The following ERBIN variants were observed in gnomAD, a reference collection of about 807,000 sequenced individuals.
ERBIN encodes erbb2 interacting protein, also known as densin-180-like protein.
A neutral mutation model predicts 158.4 loss-of-function variants in ERBIN; 60 were observed. The observed-to-expected ratio is 0.38, with a 90% CI of 0.31 to 0.47. ERBIN has a LOEUF of 0.47. ERBIN is among the 20% of genes least tolerant of loss of function. The probability of loss-of-function intolerance (pLI) is 0.99; values close to 1 mark genes in which losing one functional copy is unlikely to be tolerated. For synonymous variants in ERBIN, 594 were observed against 557.2 expected (o/e 1.07, Z -0.93); for missense variants, 1,610 against 1,648.0 (o/e 0.98, Z 0.40).
At chr5:66,012,450 G>A (rs537015976) in intron 5 of ERBIN, among the ~76,000 whole-genome samples, 1 of 152,074 alleles carries the variant, frequency 6.6e-6, no homozygotes, top group Admixed American at 6.5e-5. Flanking sequence ...TTCAAATCAG[G>A]TGTGTGGTAC....
intron 18 of ERBIN, among the ~76,000 whole-genome samples, chr5:66,047,739 A>G (rs1311348379): frequency 1.3e-5 from 2 of 152,024 alleles, no homozygotes; most frequent in African/African-American, 2.4e-5. Flanking sequence ...TTTTAAAAAA[A>G]GGATGGTTAA....
At chr5:65,952,848 C>CAT (rs1303147944) in intron 1 of ERBIN, among the ~76,000 whole-genome samples, 1 of 152,162 alleles carries the variant, frequency 6.6e-6, no homozygotes, top group East Asian at 1.9e-4. Context: ...GCCTTTCAGA[C>CAT]ATGCTTGCGC....
chr5:66,062,274 C>T (rs1008180887), intron 21 of ERBIN, among the ~76,000 whole-genome samples: 28 of 152,166 alleles, frequency 1.8e-4, no homozygotes, highest in African/African-American at 5.8e-4. Flanking sequence ...CTTCTCTTCA[C>T]GCTTCATTTC....
At chr5:65,977,459 A>G (rs1414854161) in intron 1 of ERBIN, among the ~76,000 whole-genome samples, 3 of 147,114 alleles carry the variant, frequency 2.0e-5, no homozygotes, top group Non-Finnish European at 4.5e-5. Context: ...TGCCAGGCAG[A>G]GGGTCTCCTC....
At chr5:66,040,653 A>C (rs1757832354) in intron 15 of ERBIN, among the ~76,000 whole-genome samples, 1 of 151,886 alleles carries the variant, frequency 6.6e-6, no homozygotes, top group South Asian at 2.1e-4. Flanking sequence ...TCTTTATCCC[A>C]GTGCCTCCAA....
intron 1 of ERBIN, among the ~76,000 whole-genome samples, chr5:65,972,621 A>G (rs1318687558): frequency 1.3e-5 from 2 of 151,128 alleles, no homozygotes; most frequent in Non-Finnish European, 2.9e-5. Context: ...CTGTTATACT[A>G]TTTCACTTAC....
Position 66,054,317 on chromosome 5 carries a change from T to G in ERBIN, c.2999T>G (p.Ile1000Arg), listed in dbSNP as rs1488599615. 1.9e-6 allele frequency: 3 copies of G among 1,614,004 alleles called. No individual in the cohort carries two copies. In the African/African-American group the frequency reaches 4.0e-5, roughly 22 times the overall value. The change falls in exon 21 of 26, where the codon ATA (isoleucine) becomes AGA (arginine). Residue 1000 changes from isoleucine (I) to arginine (R), a missense_variant. Physicochemically the swap from Ile to Arg is moderately conservative, Grantham distance 97. Coordinates refer to ENST00000284037, the MANE Select transcript of ERBIN (RefSeq NM_001253697.2). Reference protein sequence around the residue: ...TLWHSKQNPQIDHASFPPQLL... With the variant: ...TLWHSKQNPQRDHASFPPQLL... ...TGGCACTCCAAACAAAATCCCCAAA[T>G]AGACCATGCCAGTTTTCCTCCTCAG...
At chr5:65,997,670 T>G (rs561399573) in intron 4 of ERBIN, among the ~76,000 whole-genome samples, 1 of 152,250 alleles carries the variant, frequency 6.6e-6, no homozygotes, top group East Asian at 1.9e-4. Flanking sequence ...TAATAAGAAT[T>G]GGGGAAAAAA....
In ERBIN at chr5:66,013,588, G is replaced by T; in HGVS notation, c.426G>T (p.Gln142His). Residue 142 changes from glutamine (Q) to histidine (H), a missense_variant, in exon 6 of 26, where the codon CAG becomes CAT. This residue lies in a region of ERBIN where 596 missense variants were observed against 711.9 expected (regional missense o/e 0.84). Coordinates refer to ENST00000284037, the MANE Select transcript of ERBIN (RefSeq NM_001253697.2). ...TTTCTCAGCTGTTAAACCTAACCCA[G>T]TTGTATCTGAATGATGCTTTTCTTG... ...DGFSQLLNLT[Q>H]LYLNDAFLEF... The T allele has an allele frequency of 1.2e-6, 2 of 1,613,526 alleles. No homozygotes were observed. The highest frequency in any genetic ancestry group is 1.7e-6 in the Non-Finnish European group (2 of 1,179,618).
rs78366627 is a variant in ERBIN, at chr5:66,000,789, C to G, written c.307+5925C>G. Among the ~76,000 whole-genome samples, 258 of 152,168 alleles carry G rather than the reference C, an allele frequency of 1.7e-3. 5 individuals carry two copies. In the East Asian group the frequency reaches 0.044, roughly 26 times the overall value. On this transcript the variant is annotated intron_variant, in intron 4 of 25. Transcript: ENST00000284037. ...GAATTGATGTCTAAGTGAAACTTCA[C>G]TTCATTGTTCATAACAAGGCTAGCT...
intron 1 of ERBIN, among the ~76,000 whole-genome samples, chr5:65,934,043 C>G (rs1743773122): frequency 6.6e-6 from 1 of 152,078 alleles, no homozygotes; most frequent in African/African-American, 2.4e-5. Context: ...ACTATAGACG[C>G]CCGCCACCAC....
intron 1 of ERBIN, among the ~76,000 whole-genome samples, chr5:65,983,636 G>A (rs1407275776): frequency 2.0e-5 from 3 of 152,186 alleles, no homozygotes; most frequent in Admixed American, 2.0e-4. Context: ...GTGTGGGCAT[G>A]CCTGAGGAGG....
rs369036297 is a variant in ERBIN at position 66,018,487 on chromosome 5, T to TTATATAATA, written c.534-2830_534-2829insAATATATAT. Among the ~76,000 whole-genome samples, 18 of 6,588 alleles carry TTATATAATA rather than the reference T, an allele frequency of 2.7e-3. 4 individuals are homozygous for TTATATAATA. Among genetic ancestry groups the TTATATAATA allele is most frequent in the African/African-American group, 0.014 (18 of 1,262 alleles). The allele number at this position is 6,588 out of a possible 152,430, so 4.3% of individuals were successfully genotyped here. ...TATAATATATATTATATATTATATA[T>TTATATAATA]TATATTATATAATATATATTATATA... On this transcript the variant is annotated intron_variant, in intron 7 of 25. Transcript: ENST00000284037.
chr5:66,072,727 G>A (rs1761638504), intron 22 of ERBIN, among the ~76,000 whole-genome samples: 1 of 152,120 alleles, frequency 6.6e-6, no homozygotes, highest in Non-Finnish European at 1.5e-5. Flanking sequence ...TTTGTATATG[G>A]TAGAATAGAT....
intron 21 of ERBIN, chr5:66,068,846 T>C (rs1290605108): frequency 4.7e-6 from 7 of 1,499,632 alleles, no homozygotes; most frequent in African/African-American, 1.4e-5. Flanking sequence ...GCTACACTAA[T>C]CTCTGTTAAA....
At chr5:65,930,408 C>T (rs994450407) in intron 1 of ERBIN, among the ~76,000 whole-genome samples, 3 of 152,150 alleles carry the variant, frequency 2.0e-5, no homozygotes, top group Non-Finnish European at 1.5e-5. Context: ...CCCAGGTTCA[C>T]GCCATTCTCC....
In ERBIN at chr5:66,072,257, G is replaced by A; in HGVS notation, c.3722G>A (p.Ser1241Asn). 6.5e-7 allele frequency: 1 copy of A among 1,550,380 alleles called. No individual in the cohort carries two copies. The highest frequency in any genetic ancestry group is 8.7e-7 in the Non-Finnish European group (1 of 1,146,902). ...CAGAACTACTCATCAGCCACACTTA[G>A]TCACAAAGATGTTCCTCCAGACAGC... ...GQQNYSSATL[S>N]HKDVPPDSLM... The change falls in exon 22 of 26, where the codon AGT (serine) becomes AAT (asparagine). Residue 1241 changes from serine (S) to asparagine (N), a missense_variant. Transcript: ENST00000284037.
chr5:65,938,485 A>G (rs1744363887), intron 1 of ERBIN, among the ~76,000 whole-genome samples: 1 of 151,146 alleles, frequency 6.6e-6, no homozygotes, highest in Non-Finnish European at 1.5e-5. Flanking sequence ...ACAGGTGTGC[A>G]CAACCCAGTT....
rs181913615 is a variant in ERBIN, at chr5:66,055,876, G to A, written c.3633+925G>A. Among the ~76,000 whole-genome samples, 5 of 152,182 alleles carry A rather than the reference G, an allele frequency of 3.3e-5. No homozygotes were observed. The East Asian group carries it at 7.7e-4, about 24-fold the overall frequency. Reference sequence around the variant, plus strand: ...TCATATCAGTTTACATGAAATCTCAGCCTATAATTGTTCTTTTTAGTGCAG... The same window carrying A: ...TCATATCAGTTTACATGAAATCTCAACCTATAATTGTTCTTTTTAGTGCAG... On this transcript the variant is annotated intron_variant, in intron 21 of 25. Coordinates refer to ENST00000284037, the MANE Select transcript of ERBIN (RefSeq NM_001253697.2).
Sources: gnomAD v4.1 joint callset for allele counts (sites outside exome capture counted in the v4.1 genomes callset) on GRCh38, gnomAD v4.1.1 for gene constraint, gnomAD v4.1.1 regional missense constraint, MANE v1.5 for transcripts, NCBI Gene and HGNC (gene_info 2026-07-23, HGNC 2026-07-21) for gene names.